RANBP2: variants seen among roughly 807,000 people sequenced by gnomAD.
The protein encoded by RANBP2 is RAN binding protein 2.
Under a neutral mutation model 303.6 loss-of-function variants are expected in RANBP2, and 57 were observed. The observed-to-expected ratio is 0.19, with a 90% confidence interval of 0.15 to 0.23. RANBP2 has a LOEUF of 0.23. RANBP2 is among the 10% of genes least tolerant of loss of function. The probability of loss-of-function intolerance (pLI) is 1.00; values close to 1 mark genes in which losing one functional copy is unlikely to be tolerated. For missense variants in RANBP2, 3,138 were observed against 3,780.8 expected (o/e 0.83, Z 4.46); for synonymous variants, 1,167 against 1,301.5 (o/e 0.90, Z 2.23).
chr2:109,476,807 A>C, the RANBP2 span, among the ~76,000 whole-genome samples: 5 of 152,190 alleles, frequency 3.3e-5, no homozygotes, highest in Non-Finnish European at 5.9e-5. Context: ...TTTCTTGATG[A>C]TAAGCTAAAC....
chr2:108,837,570 T>A, the RANBP2 span, among the ~76,000 whole-genome samples: 1 of 152,234 alleles, frequency 6.6e-6, no homozygotes, highest in African/African-American at 2.4e-5. Flanking sequence ...TGTGACATCA[T>A]AGCTGTCATA....
the RANBP2 span, among the ~76,000 whole-genome samples, chr2:108,913,800 A>G: frequency 6.6e-6 from 1 of 152,142 alleles, no homozygotes. Context: ...AATACAAAAA[A>G]TTAGCCGGGC....
At chr2:109,062,579 C>A in the RANBP2 span, among the ~76,000 whole-genome samples, 2 of 152,186 alleles carry the variant, frequency 1.3e-5, no homozygotes, top group Non-Finnish European at 2.9e-5. Flanking sequence ...GATGCCCCCT[C>A]CTGTCCCCAA....
At chr2:108,849,627 C>A in the RANBP2 span, among the ~76,000 whole-genome samples, 1 of 152,126 alleles carries the variant, frequency 6.6e-6, no homozygotes, top group African/African-American at 2.4e-5. Context: ...AACAGATACC[C>A]TTTAAAGCTG....
chr2:109,556,820 C>T, the RANBP2 span, among the ~76,000 whole-genome samples: 1 of 152,162 alleles, frequency 6.6e-6, no homozygotes, highest in Non-Finnish European at 1.5e-5. Context: ...CACATATACA[C>T]TGTGGAATGC....
chr2:109,044,760 G>A, the RANBP2 span, among the ~76,000 whole-genome samples: 1 of 152,070 alleles, frequency 6.6e-6, no homozygotes, highest in Admixed American at 6.5e-5. Flanking sequence ...AAAATAGTGT[G>A]TTTGACTCCA....
chr2:108,939,699 T>C, the RANBP2 span, among the ~76,000 whole-genome samples: 1 of 152,258 alleles, frequency 6.6e-6, no homozygotes, highest in Non-Finnish European at 1.5e-5. Context: ...TTTGCTTAAC[T>C]GCATTCTGAT....
chr2:109,726,382 C>T, the RANBP2 span, among the ~76,000 whole-genome samples: 2 of 151,912 alleles, frequency 1.3e-5, no homozygotes, highest in African/African-American at 2.4e-5. Flanking sequence ...TGCACTCCAG[C>T]CTGGTGACAG....
At chr2:108,832,557 G>C in the RANBP2 span, among the ~76,000 whole-genome samples, 10 of 152,218 alleles carry the variant, frequency 6.6e-5, no homozygotes, top group African/African-American at 2.2e-4. Context: ...TTGTTGGTCA[G>C]GCTGGTCTGG....
the RANBP2 span, among the ~76,000 whole-genome samples, chr2:109,317,154 T>C: frequency 2.6e-4 from 40 of 152,306 alleles, no homozygotes; most frequent in Middle Eastern, 6.8e-3. Context: ...GAGATGTAAG[T>C]TTCATGAAAT....
the RANBP2 span, among the ~76,000 whole-genome samples, chr2:109,455,477 CAT>C: frequency 1.7e-4 from 26 of 152,182 alleles, no homozygotes; most frequent in African/African-American, 6.0e-4. Flanking sequence ...CTGTGGGACA[CAT>C]GTGTGCACCC....
the RANBP2 span, among the ~76,000 whole-genome samples, chr2:109,484,544 G>T: frequency 1.3e-5 from 2 of 152,016 alleles, no homozygotes; most frequent in Non-Finnish European, 2.9e-5. Flanking sequence ...CTTGAGGCCC[G>T]CCCCCTCCTG....
chr2:109,335,735 C>G, the RANBP2 span, among the ~76,000 whole-genome samples: 1 of 152,210 alleles, frequency 6.6e-6, no homozygotes, highest in African/African-American at 2.4e-5. Flanking sequence ...CAGAACCGCA[C>G]CCCACAAGTA....
chr2:109,011,700 G>A, the RANBP2 span, among the ~76,000 whole-genome samples: 3 of 152,116 alleles, frequency 2.0e-5, no homozygotes, highest in African/African-American at 7.2e-5. Context: ...GTTTTTGTTT[G>A]TTAGTCTTTT....
At chr2:109,458,137 C>T in the RANBP2 span, among the ~76,000 whole-genome samples, 7 of 152,176 alleles carry the variant, frequency 4.6e-5, no homozygotes, top group African/African-American at 1.7e-4. Context: ...GGAAGTCACT[C>T]CTGGGACAGT....
At chr2:108,961,156 C>T in the RANBP2 span, among the ~76,000 whole-genome samples, 1 of 152,224 alleles carries the variant, frequency 6.6e-6, no homozygotes, top group Non-Finnish European at 1.5e-5. Flanking sequence ...TGCAGAGCCT[C>T]TGGGCCTGGC....
chr2:109,242,481 C>T, the RANBP2 span, among the ~76,000 whole-genome samples: 1 of 152,276 alleles, frequency 6.6e-6, no homozygotes, highest in South Asian at 2.1e-4. Context: ...CTGAGCCGCC[C>T]CAGTGACACA....
At chr2:109,184,884 A>C in the RANBP2 span, among the ~76,000 whole-genome samples, 18 of 152,266 alleles carry the variant, frequency 1.2e-4, no homozygotes, top group Admixed American at 6.5e-4. Flanking sequence ...CTGGTCCCTC[A>C]GCGAAAAAGG....
chr2:109,680,203 A>AAC, the RANBP2 span, among the ~76,000 whole-genome samples: 1 of 148,948 alleles, frequency 6.7e-6, no homozygotes, highest in African/African-American at 2.5e-5. Flanking sequence ...AAAAAAAAAA[A>AAC]TTAGCCGGGC....
Sources: allele counts gnomAD v4.1 joint callset (sites outside exome capture counted in the v4.1 genomes callset), GRCh38; gene constraint gnomAD v4.1.1; transcripts MANE v1.5; gene names NCBI Gene and HGNC (gene_info 2026-07-23, HGNC 2026-07-21).